The following PCDHA7 variants were observed in gnomAD, a reference collection of about 807,000 sequenced individuals.
PCDHA7 encodes protocadherin alpha 7.
Under a neutral mutation model 57.2 loss-of-function variants are expected in PCDHA7, and 37 were observed. The ratio of observed to expected loss-of-function variants is 0.65; its 90% CI spans 0.50 to 0.85. The LOEUF is 0.85. PCDHA7 is among the 40% of genes least tolerant of loss of function. The probability of loss-of-function intolerance (pLI) is 0.00; values close to 1 mark genes in which losing one functional copy is unlikely to be tolerated. For synonymous variants in PCDHA7, 553 were observed against 558.8 expected (o/e 0.99, Z 0.15); for missense variants, 1,188 against 1,241.8 (o/e 0.96, Z 0.65).
chr5:140,849,660 C>G (rs2041023883), intron 1 of PCDHA7: 1 of 1,598,636 alleles, frequency 6.3e-7, no homozygotes, highest in Admixed American at 1.7e-5. Context: ...TACCTGCTCC[C>G]TGACGCCCCA....
chr5:140,906,593 T>C (rs2072768257), intron 1 of PCDHA7, among the ~76,000 whole-genome samples: 1 of 152,242 alleles, frequency 6.6e-6, no homozygotes, highest in Admixed American at 6.5e-5. Flanking sequence ...TACCTTCCTC[T>C]ACTACTCATT....
chr5:140,837,615 C>T (rs1253493684), intron 1 of PCDHA7, among the ~76,000 whole-genome samples: 3 of 145,806 alleles, frequency 2.1e-5, no homozygotes, highest in Non-Finnish European at 4.5e-5. Flanking sequence ...TATAATTTGC[C>T]CCTTCCTTCC....
chr5:140,858,243 C>G (rs781796341), intron 1 of PCDHA7: 1 of 1,595,896 alleles, frequency 6.3e-7, no homozygotes, highest in Non-Finnish European at 8.6e-7. Flanking sequence ...GCATGTGGGC[C>G]GGTGAAGCCC....
chr5:140,953,960 A>G (rs2153700982), intron 1 of PCDHA7, among the ~76,000 whole-genome samples: 1 of 152,088 alleles, frequency 6.6e-6, no homozygotes, highest in South Asian at 2.1e-4. Flanking sequence ...AACAGGCCCC[A>G]GTGTGTGTTG....
intron 1 of PCDHA7, chr5:140,841,829 T>A: frequency 1.2e-6 from 2 of 1,613,898 alleles, no homozygotes; most frequent in Non-Finnish European, 1.7e-6. Flanking sequence ...CGTGTTAACC[T>A]ACAGGCTTAG....
chr5:140,850,459 G>A (rs2150485191), intron 1 of PCDHA7: 2 of 1,598,012 alleles, frequency 1.3e-6, no homozygotes, highest in South Asian at 2.2e-5. Context: ...AAAGACCACG[G>A]GGAGCCAGCG....
rs1554134361 is a variant in PCDHA7, at chr5:140,834,597, G to A, written c.214G>A (p.Gly72Arg). The change falls in exon 1 of 4, where the codon GGG becomes AGG. Residue 72 changes from glycine to arginine, a missense_variant. Physicochemically the swap from Gly to Arg is moderately radical, Grantham distance 125. Coordinates refer to ENST00000525929, the MANE Select transcript of PCDHA7 (RefSeq NM_018910.3). ...GTTCCGGGCGGTGTGCAAATTCCGT[G>A]GGGATCTTCTGGAGGTAAATCTGCA... ...RLFRAVCKFR[G>R]DLLEVNLQNG... 6.2e-7 allele frequency: 1 copy of A among 1,614,130 alleles called. No homozygotes were observed. The highest frequency in any genetic ancestry group is 1.3e-5 in the African/African-American group (1 of 75,056).
intron 1 of PCDHA7, among the ~76,000 whole-genome samples, chr5:140,952,097 G>A (rs1385693579): frequency 1.3e-5 from 2 of 152,066 alleles, no homozygotes; most frequent in East Asian, 3.9e-4. Context: ...CACATCCAGG[G>A]CACACTCGTG....
At chr5:140,840,202 A>G (rs1426103909) in intron 1 of PCDHA7, among the ~76,000 whole-genome samples, 1 of 152,086 alleles carries the variant, frequency 6.6e-6, no homozygotes, top group African/African-American at 2.4e-5. Flanking sequence ...AAGGAAAAGA[A>G]GTCATAAAAA....
At position 140,859,292 on chromosome 5, in the gene PCDHA7, CT is replaced by C. The variant is rs1226140670; in HGVS notation, c.2355+22557del. 1.3e-3 allele frequency: 281 copies of C among 215,310 alleles called. 12 individuals are homozygous for C. Among genetic ancestry groups the C allele is most frequent in the African/African-American group, 6.4e-3 (274 of 42,824 alleles). 13.3% of individuals were successfully genotyped at this position (215,310 alleles called of 1,614,324 possible). A position where few individuals can be genotyped will look rare whatever the true frequency, so the allele number is the denominator to read the frequency against. ...CTTTTTACTTTTGAGACTGAAAATA[CT>C]TTAGTATGAATTAATATTAAAAGTT... On this transcript the variant is annotated intron_variant, in intron 1 of 3. Transcript: ENST00000525929.
chr5:140,926,766 C>A (rs950499262), intron 1 of PCDHA7: 34 of 1,343,396 alleles, frequency 2.5e-5, no homozygotes, highest in Non-Finnish European at 3.3e-5. Context: ...GAGTATCCAG[C>A]CCGCAGCAGT....
At chr5:140,877,828 C>T (rs781916987) in intron 1 of PCDHA7, 19 of 1,599,838 alleles carry the variant, frequency 1.2e-5, no homozygotes, top group Non-Finnish European at 1.5e-5. Flanking sequence ...TTGTTTAAAT[C>T]CTCCCAGTGA....
chr5:140,838,330 C>T lies in PCDHA7; in HGVS notation c.2355+1592C>T, dbSNP rs113888727. 2.6e-3 allele frequency among the ~76,000 whole-genome samples: 382 copies of T among 147,588 alleles called. 4 individuals carry two copies. The highest frequency in any genetic ancestry group is 9.4e-3 in the African/African-American group (367 of 39,126). The stretch of plus-strand genomic sequence containing the variant: ...GTAGAAACAGAGTTTCACCATGTTG[C>T]CCCGGCTGGTCTCGAAATCTGGGAC... On this transcript the variant is annotated intron_variant, in intron 1 of 3. Coordinates refer to ENST00000525929, the MANE Select transcript of PCDHA7 (RefSeq NM_018910.3).
At chr5:141,005,701 CAAAAAAAAAAAAAA>C (rs59860837) in intron 3 of PCDHA7, among the ~76,000 whole-genome samples, 79 of 7,792 alleles carry the variant, frequency 0.01, 1 homozygote, top group Admixed American at 0.027. Flanking sequence ...AACTCCGTCT[CAAAAAAAAAAAAAA>C]AAAAAAAAAA....
At chr5:140,838,041 C>T (rs1479923409) in intron 1 of PCDHA7, among the ~76,000 whole-genome samples, 1 of 149,154 alleles carries the variant, frequency 6.7e-6, no homozygotes. Flanking sequence ...TACCTTTCTG[C>T]ACTTTTTGGT....
intron 1 of PCDHA7, chr5:140,926,673 A>T (rs998903830): frequency 2.1e-5 from 12 of 580,470 alleles, no homozygotes; most frequent in Non-Finnish European, 3.2e-5. Flanking sequence ...ACGGCTGCCC[A>T]GCCTCCAGCC....
At chr5:140,937,328 C>T (rs191377007) in intron 1 of PCDHA7, among the ~76,000 whole-genome samples, 9 of 152,066 alleles carry the variant, frequency 5.9e-5, no homozygotes, top group Admixed American at 5.2e-4. Context: ...TGAGCCACCG[C>T]GCCCGGCTTC....
chr5:140,865,139 A>G (rs1467997658), intron 1 of PCDHA7: 1 of 152,202 alleles, frequency 6.6e-6, no homozygotes, highest in Non-Finnish European at 1.5e-5. Flanking sequence ...CTTAGAATTT[A>G]ACATTGTATA....
chr5:140,959,000 G>A (rs1239762631), intron 1 of PCDHA7, among the ~76,000 whole-genome samples: 1 of 151,884 alleles, frequency 6.6e-6, no homozygotes, highest in Admixed American at 6.6e-5. Flanking sequence ...ATCTTTTACT[G>A]TACCTAATTT....
Sources: allele counts gnomAD v4.1 joint callset (sites outside exome capture counted in the v4.1 genomes callset), GRCh38; gene constraint gnomAD v4.1.1; transcripts MANE v1.5; gene names NCBI Gene and HGNC (gene_info 2026-07-23, HGNC 2026-07-21).